Variants in SLC30A8 observed in about 807,000 individuals in gnomAD.
SLC30A8 encodes the protein proton-coupled zinc antiporter SLC30A8.
In SLC30A8, 27 loss-of-function variants were observed where a neutral mutation model predicts 36.9. That is an observed-to-expected ratio of 0.73 (90% CI 0.54 to 1.01). The LOEUF is 1.01. Among genes scored for constraint, SLC30A8 ranks in the 50% least tolerant of loss-of-function variants. SLC30A8 has a pLI of 0.00. For synonymous variants in SLC30A8, 164 were observed against 172.4 expected, an observed-to-expected ratio of 0.95 and a Z score of 0.38; for missense variants, 439 against 452.0, an observed-to-expected ratio of 0.97 and a Z score of 0.26.
At chr8:117,170,925 AG>A (rs1316043891) in intron 6 of SLC30A8, 108 bp from the exon 7 acceptor site, 1 of 856,116 alleles carries the variant, frequency 1.2e-6, no homozygotes, top group Non-Finnish European at 1.8e-6. Flanking sequence ...AAACCAGCAA[AG>A]GGATGAACAC....
chr8:116,968,748 T>C (rs1814684688), intron 1 of SLC30A8, among the ~76,000 whole-genome samples: 1 of 152,158 alleles, frequency 6.6e-6, no homozygotes, highest in East Asian at 1.9e-4. Flanking sequence ...TTAATTTATT[T>C]ATTTTTTGAG....
chr8:117,152,793 C>A, intron 2 of SLC30A8, 151 bp from the exon 3 acceptor site: 2 of 565,524 alleles, frequency 3.5e-6, no homozygotes, highest in Non-Finnish European at 5.9e-6. Flanking sequence ...CTCTCTGAGT[C>A]GCAGAAGGGG....
intron 3 of SLC30A8, among the ~76,000 whole-genome samples, chr8:117,154,827 T>C (rs1055555948): frequency 2.0e-5 from 3 of 152,186 alleles, no homozygotes; most frequent in Admixed American, 1.3e-4. Context: ...AATTTAGATC[T>C]CTGCTTGTAC....
At chr8:117,033,649 ATAAAG>A (rs1269230393) in intron 1 of SLC30A8, among the ~76,000 whole-genome samples, 3 of 152,234 alleles carry the variant, frequency 2.0e-5, no homozygotes, top group African/African-American at 7.2e-5. Flanking sequence ...ATTAAAAGAA[ATAAAG>A]TAGAGTGAAG....
chr8:117,123,386 A>T (rs376233650), intron 2 of SLC30A8, among the ~76,000 whole-genome samples: 2 of 152,072 alleles, frequency 1.3e-5, no homozygotes, highest in South Asian at 4.1e-4. Context: ...TTACATAAAC[A>T]GGCTATCAAT....
rs144547735 is a variant in SLC30A8 at position 117,068,548 on chromosome 8, G to C, written c.-226+29290G>C. Among the ~76,000 whole-genome samples, 195 of 152,142 alleles carry C rather than the reference G, an allele frequency of 1.3e-3. 1 individual carries two copies. Among genetic ancestry groups the C allele is most frequent in the African/African-American group, 4.6e-3 (190 of 41,514 alleles). On this transcript the variant is annotated intron_variant, in intron 2 of 10. Transcript: ENST00000427715. Reference sequence around the variant, plus strand: ...CTCTCCACATGTGTTGCCCATCTCAGTGAGCATCACCACTTTATTTTTATT... The same window carrying C: ...CTCTCCACATGTGTTGCCCATCTCACTGAGCATCACCACTTTATTTTTATT...
intron 1 of SLC30A8, among the ~76,000 whole-genome samples, chr8:117,140,236 C>T (rs1272431382): frequency 6.6e-6 from 1 of 151,808 alleles, no homozygotes; most frequent in Non-Finnish European, 1.5e-5. Flanking sequence ...GTAAAAAAAT[C>T]AACAGAGCCT....
chr8:116,966,312 G>T (rs996274085), intron 1 of SLC30A8, among the ~76,000 whole-genome samples: 1 of 152,012 alleles, frequency 6.6e-6, no homozygotes, highest in African/African-American at 2.4e-5. Context: ...GTGGGTTCTG[G>T]TTTGCTCAAG....
chr8:116,976,191 C>T (rs576723626), intron 1 of SLC30A8, among the ~76,000 whole-genome samples: 26 of 150,866 alleles, frequency 1.7e-4, no homozygotes, highest in African/African-American at 4.9e-4. Flanking sequence ...TGGTGACGCA[C>T]GCCTGTAGTC....
intron 2 of SLC30A8, among the ~76,000 whole-genome samples, chr8:117,126,168 T>C (rs1820897074): frequency 6.6e-6 from 1 of 152,014 alleles, no homozygotes; most frequent in Admixed American, 6.6e-5. Context: ...TTCTCCATGT[T>C]AGTTGACTTG....
At chr8:117,096,553 A>G (rs563008904) in intron 2 of SLC30A8, among the ~76,000 whole-genome samples, 1 of 152,270 alleles carries the variant, frequency 6.6e-6, no homozygotes, top group Admixed American at 6.5e-5. Context: ...TACATTTGCA[A>G]ATCAGACTCA....
At chr8:117,100,370 A>G (rs1819654360) in intron 2 of SLC30A8, among the ~76,000 whole-genome samples, 1 of 152,200 alleles carries the variant, frequency 6.6e-6, no homozygotes, top group Non-Finnish European at 1.5e-5. Context: ...AAGTATTTTG[A>G]GCACCTTGGG....
intron 2 of SLC30A8, among the ~76,000 whole-genome samples, chr8:117,066,018 T>C (rs925736407): frequency 2.6e-5 from 4 of 152,128 alleles, no homozygotes; most frequent in African/African-American, 9.7e-5. Flanking sequence ...AGCACTTCAA[T>C]TGGCCTCTCA....
At chr8:117,083,110 A>G (rs555754762) in intron 2 of SLC30A8, among the ~76,000 whole-genome samples, 1 of 152,328 alleles carries the variant, frequency 6.6e-6, no homozygotes, top group South Asian at 2.1e-4. Flanking sequence ...CTTTCCCCAC[A>G]CTTCCCAGGT....
intron 1 of SLC30A8, among the ~76,000 whole-genome samples, chr8:117,013,357 T>A (rs1586397352): frequency 6.6e-6 from 1 of 152,144 alleles, no homozygotes; most frequent in East Asian, 1.9e-4. Flanking sequence ...TTGAAAGAGT[T>A]GTAGAAGGTA....
intron 1 of SLC30A8, among the ~76,000 whole-genome samples, chr8:116,962,806 G>T (rs539507922): frequency 6.6e-6 from 1 of 151,950 alleles, no homozygotes; most frequent in Non-Finnish European, 1.5e-5. Flanking sequence ...TTATTAGAAG[G>T]ATTACTTCGT....
At chr8:117,074,971 T>G (rs188062762) in intron 2 of SLC30A8, among the ~76,000 whole-genome samples, 1 of 152,304 alleles carries the variant, frequency 6.6e-6, no homozygotes, top group Admixed American at 6.5e-5. Context: ...GCATTAGTTT[T>G]TTTTTCTTAA....
At position 116,972,982 on chromosome 8, in the gene SLC30A8, T is replaced by C. The variant is rs376196536; in HGVS notation, c.-266+21863T>C. Among the ~76,000 whole-genome samples the C allele has an allele frequency of 7.2e-5, 11 of 152,280 alleles. 1 individual carries two copies. The highest frequency in any genetic ancestry group is 2.6e-4 in the African/African-American group (11 of 41,564). On this transcript the variant is annotated intron_variant, in intron 1 of 10. Transcript: ENST00000427715. Reference sequence around the variant, plus strand: ...TGAAACCATCCCCGATCTGAGGATATTAGGAGGTGGGGCCTTTGGAAGGTG... The same window carrying C: ...TGAAACCATCCCCGATCTGAGGATACTAGGAGGTGGGGCCTTTGGAAGGTG...
intron 5 of SLC30A8, 92 bp downstream of exon 5, chr8:117,161,980 TCC>T: frequency 3.4e-6 from 4 of 1,176,952 alleles, no homozygotes; most frequent in Non-Finnish European, 4.8e-6. Flanking sequence ...AGAATGGGCA[TCC>T]TCTGTTTACC....
Sources: gnomAD v4.1 joint callset for allele counts (sites outside exome capture counted in the v4.1 genomes callset) on GRCh38, gnomAD v4.1.1 for gene constraint, MANE v1.5 for transcripts, NCBI Gene and HGNC (gene_info 2026-07-23, HGNC 2026-07-21) for gene names.